The following VAV3 variants were observed in gnomAD, a reference collection of about 807,000 sequenced individuals.
The protein encoded by VAV3 is guanine nucleotide exchange factor VAV3.
VAV3 carries 94 observed loss-of-function variants against 131.2 expected under a neutral mutation model. That is an observed-to-expected ratio of 0.72 (90% CI 0.61 to 0.85). The LOEUF (loss-of-function observed/expected upper bound fraction) is 0.85, where lower values mean the gene tolerates loss of function less well. Ranked by LOEUF, VAV3 falls within the 40% of genes least tolerant of loss-of-function variation. VAV3 has a pLI of 0.00. For missense variants in VAV3, 939 were observed against 1,002.7 expected, an observed-to-expected ratio of 0.94 and a Z score of 0.86; for synonymous variants, 349 against 342.0, an observed-to-expected ratio of 1.02 and a Z score of -0.22.
intron 25 of VAV3, chr1:107,576,489 A>C (rs1558060868): frequency 6.7e-7 from 1 of 1,497,272 alleles, no homozygotes; most frequent in Non-Finnish European, 8.8e-7. Context: ...TGAGAAAGAA[A>C]GAAAAAGAGA....
chr1:107,961,165 T>C (rs145970661), intron 1 of VAV3, among the ~76,000 whole-genome samples: 6 of 152,304 alleles, frequency 3.9e-5, no homozygotes, highest in African/African-American at 1.2e-4. Flanking sequence ...ACACTGTCCA[T>C]AGTGGCCACT....
intron 19 of VAV3, chr1:107,672,080 C>G (rs2101678710): frequency 6.6e-6 from 1 of 152,050 alleles, no homozygotes; most frequent in East Asian, 1.9e-4. Context: ...CCAGCCTGGT[C>G]AACATGGTGA....
chr1:107,847,516 C>T (rs1669024469), intron 2 of VAV3, among the ~76,000 whole-genome samples: 1 of 151,734 alleles, frequency 6.6e-6, no homozygotes, highest in African/African-American at 2.4e-5. Context: ...ACAAAATAGA[C>T]CGCTAGCCAC....
chr1:107,575,316 A>T (rs1649568050), intron 25 of VAV3, among the ~76,000 whole-genome samples: 1 of 152,156 alleles, frequency 6.6e-6, no homozygotes, highest in Non-Finnish European at 1.5e-5. Flanking sequence ...AACACCAACC[A>T]TCTGTATTTT....
intron 10 of VAV3, among the ~76,000 whole-genome samples, chr1:107,760,553 G>A (rs1027738088): frequency 1.3e-5 from 2 of 152,166 alleles, no homozygotes; most frequent in Non-Finnish European, 2.9e-5. Flanking sequence ...TTTCTAGGCA[G>A]TCCTGTTTTA....
chr1:107,735,362 C>T (rs1185694764), intron 15 of VAV3, among the ~76,000 whole-genome samples: 1 of 152,012 alleles, frequency 6.6e-6, no homozygotes, highest in Non-Finnish European at 1.5e-5. Flanking sequence ...AAGGTTAGAG[C>T]AGAACTGAAG....
chr1:107,713,379 T>TA lies in VAV3; in HGVS notation c.1503-8319dup, dbSNP rs1042703991. Among the ~76,000 whole-genome samples, 12 of 151,480 alleles carry TA rather than the reference T, an allele frequency of 7.9e-5. No homozygotes were observed. The South Asian group carries it at 2.5e-3, about 32-fold the overall frequency. On this transcript the variant is annotated intron_variant, in intron 15 of 26. Coordinates refer to ENST00000370056, the MANE Select transcript of VAV3 (RefSeq NM_006113.5). ...CTTTTATTTAAATAAAAAAAACACA[T>TA]AAAAAATTAGAGAAAGCAGAAAAAT...
intron 25 of VAV3, among the ~76,000 whole-genome samples, chr1:107,584,893 A>G (rs984249491): frequency 6.6e-6 from 1 of 152,212 alleles, no homozygotes; most frequent in African/African-American, 2.4e-5. Flanking sequence ...TTCTAAATCT[A>G]TATTTAAAAA....
At chr1:107,642,580 G>C (rs1364940588) in intron 20 of VAV3, 39 bp downstream of exon 20, 3 of 1,605,430 alleles carry the variant, frequency 1.9e-6, no homozygotes, top group Admixed American at 3.4e-5. Flanking sequence ...ACCCTCTCTT[G>C]GGGTCTGCAT....
chr1:107,773,422 T>C lies in VAV3; in HGVS notation c.447-579A>G, dbSNP rs888931902. ...GTGGTCTTATAAAAGCATCAGTTAC[T>C]GCAGTGTTATAATCAGCATCTAATC... On this transcript the variant is annotated intron_variant, in intron 4 of 26. Coordinates refer to ENST00000370056, the MANE Select transcript of VAV3 (RefSeq NM_006113.5). Among the ~76,000 whole-genome samples the C allele has an allele frequency of 5.9e-5, 9 of 152,248 alleles. No homozygotes were observed. The East Asian group carries it at 1.5e-3, about 26-fold the overall frequency.
At chr1:107,825,648 T>C (rs1178055789) in intron 2 of VAV3, among the ~76,000 whole-genome samples, 1 of 152,152 alleles carries the variant, frequency 6.6e-6, no homozygotes, top group African/African-American at 2.4e-5. Context: ...TGACCTTTCC[T>C]ACCCCAATGC....
intron 12 of VAV3, among the ~76,000 whole-genome samples, chr1:107,754,314 T>A (rs150032689): frequency 6.6e-6 from 1 of 152,322 alleles, no homozygotes; most frequent in African/African-American, 2.4e-5. Flanking sequence ...GAGGCTACTG[T>A]GACTGGAAAA....
intron 25 of VAV3, among the ~76,000 whole-genome samples, chr1:107,578,279 C>T (rs1415450199): frequency 6.6e-6 from 1 of 152,152 alleles, no homozygotes; most frequent in Non-Finnish European, 1.5e-5. Flanking sequence ...AATCAAAGTC[C>T]TTTTCTATTC....
At chr1:107,574,959 T>TTC (rs200845787) in intron 25 of VAV3, among the ~76,000 whole-genome samples, 17,464 of 139,906 alleles carry the variant, frequency 0.12, 1,173 homozygotes, top group South Asian at 0.25. Context: ...AGAGTTGAGT[T>TTC]TCTCTGTGTG....
intron 2 of VAV3, among the ~76,000 whole-genome samples, chr1:107,788,698 A>G (rs72705667): frequency 0.082 from 12,516 of 152,270 alleles, 716 homozygotes; most frequent in South Asian, 0.17. Context: ...TCTAGATAGA[A>G]ATATTCCCTG....
intron 2 of VAV3, among the ~76,000 whole-genome samples, chr1:107,839,647 C>A (rs1360945986): frequency 6.6e-6 from 1 of 151,910 alleles, no homozygotes; most frequent in Non-Finnish European, 1.5e-5. Flanking sequence ...AAGCTTAGAG[C>A]AGACAGAATA....
Position 107,572,819 on chromosome 1 carries a change from A to G in VAV3, c.*512T>C, listed in dbSNP as rs971292158. 1.3e-5 allele frequency: 2 copies of G among 153,224 alleles called. No individual in the cohort carries two copies. The highest frequency in any genetic ancestry group is 4.8e-5 in the African/African-American group (2 of 41,484). 9.5% of individuals were successfully genotyped at this position (153,224 alleles called of 1,614,324 possible). Reference sequence around the variant, plus strand: ...CGGGCAATGAGTCACCTTGTTGGACAATTTAAGACAAGTAAGGCTGGATCT... The same window carrying G: ...CGGGCAATGAGTCACCTTGTTGGACGATTTAAGACAAGTAAGGCTGGATCT... On this transcript the variant is annotated 3_prime_UTR_variant, in exon 27 of 27. Transcript: ENST00000370056.
chr1:107,824,619 T>C lies in VAV3; in HGVS notation c.322-45127A>G, dbSNP rs116147340. 5.0e-3 allele frequency among the ~76,000 whole-genome samples: 755 copies of C among 152,290 alleles called. 6 individuals carry two copies. Among genetic ancestry groups the C allele is most frequent in the African/African-American group, 0.016 (668 of 41,552 alleles). On this transcript the variant is annotated intron_variant, in intron 2 of 26. Coordinates refer to ENST00000370056, the MANE Select transcript of VAV3 (RefSeq NM_006113.5). ...CATATACACTATCTATATCTGTACT[T>C]CCAGCAAGAGGACATTTTATGTATG...
At chr1:107,896,371 C>T (rs2101074590) in intron 1 of VAV3, among the ~76,000 whole-genome samples, 1 of 144,248 alleles carries the variant, frequency 6.9e-6, no homozygotes. Context: ...TCATCACTGT[C>T]CTCTTTCATC....
Sources: allele counts gnomAD v4.1 joint callset (sites outside exome capture counted in the v4.1 genomes callset), GRCh38; gene constraint gnomAD v4.1.1; transcripts MANE v1.5; gene names NCBI Gene and HGNC (gene_info 2026-07-23, HGNC 2026-07-21).